PEX26: variants seen among roughly 807,000 people sequenced by gnomAD.
PEX26 encodes peroxisomal biogenesis factor 26, also known as peroxisome assembly protein 26.
Under a neutral mutation model 31.4 loss-of-function variants are expected in PEX26, and 18 were observed. That is an observed-to-expected ratio of 0.57 (90% CI 0.40 to 0.85). The LOEUF is 0.85. Ranked by LOEUF, PEX26 falls within the 40% of genes least tolerant of loss-of-function variation. The pLI, the probability that PEX26 is intolerant of heterozygous loss-of-function variation, is 0.00. For synonymous variants in PEX26, 176 were observed against 166.9 expected, an observed-to-expected ratio of 1.05 and a Z score of -0.42; for missense variants, 377 against 383.9, an observed-to-expected ratio of 0.98 and a Z score of 0.15.
In PEX26 at chr22:18,078,328, G is replaced by C; in HGVS notation, c.-49G>C. The C allele has an allele frequency of 1.5e-6, 2 of 1,360,812 alleles. No homozygotes were observed. The highest frequency in any genetic ancestry group is 1.2e-5 in the South Asian group (1 of 82,606). 84.3% of individuals were successfully genotyped at this position (1,360,812 alleles called of 1,614,324 possible). On this transcript the variant is annotated 5_prime_UTR_variant, in exon 1 of 5. Transcript: ENST00000399744. ...CGGGATATCCCGGAGCCTCTGGGGA[G>C]GCGGTCACTCCGACGTCTGAGGACC...
At position 18,078,300 on chromosome 22, in the gene PEX26, A is replaced by T; in HGVS notation, c.-77A>T. 1 of 1,068,140 alleles carries T rather than the reference A, an allele frequency of 9.4e-7. No individual in the cohort carries two copies. Among genetic ancestry groups the T allele is most frequent in the East Asian group, 2.5e-5 (1 of 39,554 alleles). The allele number at this position is 1,068,140 out of a possible 1,614,324, so 66.2% of individuals were successfully genotyped here. A position where few individuals can be genotyped will look rare whatever the true frequency, so the allele number is the denominator to read the frequency against. The stretch of plus-strand genomic sequence containing the variant: ...GGACTCTCCCTCTTCGCCCAGGCCA[A>T]CTCGGGATATCCCGGAGCCTCTGGG... On this transcript the variant is annotated 5_prime_UTR_variant, in exon 1 of 5. Coordinates refer to ENST00000399744, the MANE Select transcript of PEX26 (RefSeq NM_001127649.3).
rs1338282041 is a variant in PEX26, at chr22:18,088,030, G to A, written c.873G>A (p.Arg291=). The change falls in exon 5 of 5, where the codon CGG becomes CGA. Residue 291 remains arginine, a synonymous_variant. Transcript: ENST00000399744. This position sits in a 1 kb window ranked among gnomAD's most constrained non-coding sequence, Gnocchi z 4.1. ...YKLAQLFRWI[R]KAAFSRLYQL... ...TGGCCCAGCTCTTCCGCTGGATCCG[G>A]AAGGCTGCATTTTCTCGCCTCTACC... The A allele has an allele frequency of 2.5e-6, 4 of 1,613,666 alleles. No homozygotes were observed. In the Admixed American group the frequency reaches 5.0e-5, roughly 20 times the overall value.
chr22:18,083,947 G>A (rs1311018979), intron 3 of PEX26, among the ~76,000 whole-genome samples: 1 of 152,232 alleles, frequency 6.6e-6, no homozygotes, highest in Non-Finnish European at 1.5e-5. Context: ...ATGGGAAGGT[G>A]TTGCTGGGTC....
chr22:18,080,316 A>T (rs899258516), intron 2 of PEX26, among the ~76,000 whole-genome samples: 7 of 152,044 alleles, frequency 4.6e-5, no homozygotes, highest in East Asian at 1.9e-4. Flanking sequence ...TTAAAAAAAA[A>T]TTTTGTTTTG....
chr22:18,101,816 T>C lies in PEX26; in HGVS notation c.*13741T>C. 5.8e-6 allele frequency: 1 copy of C among 172,742 alleles called. No homozygotes were observed. Among genetic ancestry groups the C allele is most frequent in the Non-Finnish European group, 1.2e-5 (1 of 80,314 alleles). 10.7% of individuals were successfully genotyped at this position (172,742 alleles called of 1,614,324 possible). On this transcript the variant is annotated 3_prime_UTR_variant, in exon 5 of 5. Transcript: ENST00000399744. ...GGTCATTAACCTGAGGTCTGGGGCC[T>C]TTAAAGCTATTGAGGAGCCAGTGAA...
chr22:18,084,767 A>C lies in PEX26; in HGVS notation c.668-345A>C, dbSNP rs191756379. Among the ~76,000 whole-genome samples the C allele has an allele frequency of 9.0e-3, 1,362 of 151,486 alleles. 14 individuals are homozygous for C. Among genetic ancestry groups the C allele is most frequent in the Middle Eastern group, 0.014 (4 of 290 alleles). ...GACGGAGTTTTGCTCTTGTTGCCCAAGCTGGAGTGCAATGGCACGATCTTG... is the reference window on the plus strand; with the variant it reads ...GACGGAGTTTTGCTCTTGTTGCCCACGCTGGAGTGCAATGGCACGATCTTG... On this transcript the variant is annotated intron_variant, in intron 3 of 4. Coordinates refer to ENST00000399744, the MANE Select transcript of PEX26 (RefSeq NM_001127649.3).
At position 18,078,202 on chromosome 22, in the gene PEX26, T is replaced by C. The variant is rs1351415601; in HGVS notation, c.-175T>C. ...CCCAGCCTCCAGGCGAGCCCAGCTT[T>C]TGCCTCAGATAGGCCCCTTCCTTTT... On this transcript the variant is annotated 5_prime_UTR_variant, in exon 1 of 5. Coordinates refer to ENST00000399744, the MANE Select transcript of PEX26 (RefSeq NM_001127649.3). 2.8e-6 allele frequency: 2 copies of C among 704,234 alleles called. No individual in the cohort carries two copies. Among genetic ancestry groups the C allele is most frequent in the Non-Finnish European group, 5.2e-6 (2 of 387,442 alleles). 43.6% of individuals were successfully genotyped at this position (704,234 alleles called of 1,614,324 possible).
rs1347516361 is a variant in PEX26, at chr22:18,092,189, TTC to T, written c.*4116_*4117del. ...CATCCACAGATGGGGCCTGTGGGAA[TTC>T]TACTGATTTACTCTCTGGCCTAGTC... On this transcript the variant is annotated 3_prime_UTR_variant, in exon 5 of 5. Transcript: ENST00000399744. 1 of 152,254 alleles carries T rather than the reference TTC, an allele frequency of 6.6e-6. No homozygotes were observed. The highest frequency in any genetic ancestry group is 1.5e-5 in the Non-Finnish European group (1 of 68,060). The allele number at this position is 152,254 out of a possible 1,614,324, so 9.4% of individuals were successfully genotyped here.
At chr22:18,083,886 CA>C (rs1182941645) in intron 3 of PEX26, among the ~76,000 whole-genome samples, 154 bp downstream of exon 3, 2 of 152,232 alleles carry the variant, frequency 1.3e-5, no homozygotes, top group African/African-American at 4.8e-5. Context: ...ATTTGCTTCA[CA>C]AAGTGAAGGC....
chr22:18,087,861 A>C (rs1380939584), intron 4 of PEX26, 111 bp from the exon 5 acceptor site: 2 of 805,166 alleles, frequency 2.5e-6, no homozygotes, highest in Non-Finnish European at 4.4e-6. Context: ...TAAAAAAAAC[A>C]AAACAAAACC....
At position 18,087,730 on chromosome 22, in the gene PEX26, G is replaced by C. The variant is rs897956663; in HGVS notation, c.815-242G>C. Among the ~76,000 whole-genome samples the C allele has an allele frequency of 9.9e-5, 15 of 152,232 alleles. No homozygotes were observed. In the South Asian group the frequency reaches 1.0e-3, roughly 10 times the overall value. The stretch of plus-strand genomic sequence containing the variant: ...CCGACTCATTGGAGTGATGATGGTG[G>C]GGGAGGAGAACCTGCACCTGCAGGC... On this transcript the variant is annotated intron_variant, in intron 4 of 4. Coordinates refer to ENST00000399744, the MANE Select transcript of PEX26 (RefSeq NM_001127649.3).
rs1391597672 is a variant in PEX26 at position 18,097,345 on chromosome 22, G to C, written c.*9270G>C. ...GGGGTGTGATCTCGGCTCACTGCAA[G>C]CTCCGCCTTCCGGGTTCACGCCATT... On this transcript the variant is annotated 3_prime_UTR_variant, in exon 5 of 5. Transcript: ENST00000399744. 2 of 149,780 alleles carry C rather than the reference G, an allele frequency of 1.3e-5. No individual in the cohort carries two copies. Among genetic ancestry groups the C allele is most frequent in the African/African-American group, 5.0e-5 (2 of 40,374 alleles). 9.3% of individuals were successfully genotyped at this position (149,780 alleles called of 1,614,324 possible). A position where few individuals can be genotyped will look rare whatever the true frequency, so the allele number is the denominator to read the frequency against.
At position 18,101,685 on chromosome 22, in the gene PEX26, C is replaced by A; in HGVS notation, c.*13610C>A. ...CAATGACTTGTGTCAAAACCCGATC[C>A]AGAGCAGCAGTGATGAAATCACCCT... is the stretch of plus-strand genomic sequence containing the variant. On this transcript the variant is annotated 3_prime_UTR_variant, in exon 5 of 5. Transcript: ENST00000399744. 3.8e-6 allele frequency: 1 copy of A among 265,526 alleles called. No individual in the cohort carries two copies. Among genetic ancestry groups the A allele is most frequent in the Non-Finnish European group, 7.1e-6 (1 of 140,772 alleles). The allele number at this position is 265,526 out of a possible 1,614,324, so 16.4% of individuals were successfully genotyped here.
At chr22:18,085,705 C>A (rs551908752) in intron 4 of PEX26, among the ~76,000 whole-genome samples, 1 of 151,996 alleles carries the variant, frequency 6.6e-6, no homozygotes, top group African/African-American at 2.4e-5. Flanking sequence ...CCCATCTCTA[C>A]TAAAGATACA....
rs1016355983 is a variant in PEX26, at chr22:18,105,295, C to T, written c.*17220C>T. Reference sequence around the variant, plus strand: ...GAGCCAGACTCTCTGAAGCATAGCCCAGCTCTAGCTCTTACCAGTTATGTG... The same window carrying T: ...GAGCCAGACTCTCTGAAGCATAGCCTAGCTCTAGCTCTTACCAGTTATGTG... On this transcript the variant is annotated 3_prime_UTR_variant, in exon 5 of 5. Coordinates refer to ENST00000399744, the MANE Select transcript of PEX26 (RefSeq NM_001127649.3). 2 of 152,204 alleles carry T rather than the reference C, an allele frequency of 1.3e-5. No homozygotes were observed. Among genetic ancestry groups the T allele is most frequent in the Non-Finnish European group, 2.9e-5 (2 of 68,046 alleles). 9.4% of individuals were successfully genotyped at this position (152,204 alleles called of 1,614,324 possible). A position where few individuals can be genotyped will look rare whatever the true frequency, so the allele number is the denominator to read the frequency against.
intron 4 of PEX26, among the ~76,000 whole-genome samples, chr22:18,085,828 C>T (rs1474434039): frequency 1.3e-5 from 2 of 152,014 alleles, no homozygotes; most frequent in Non-Finnish European, 2.9e-5. Flanking sequence ...GCCAAGATCG[C>T]ACTGCTGCAC....
rs1445028006 is a variant in PEX26, at chr22:18,105,019, G to GT, written c.*16945dup. 2.0e-5 allele frequency: 3 copies of GT among 152,190 alleles called. No homozygotes were observed. Among genetic ancestry groups the GT allele is most frequent in the African/African-American group, 7.2e-5 (3 of 41,452 alleles). The allele number at this position is 152,190 out of a possible 1,614,324, so 9.4% of individuals were successfully genotyped here. A position where few individuals can be genotyped will look rare whatever the true frequency, so the allele number is the denominator to read the frequency against. On this transcript the variant is annotated 3_prime_UTR_variant, in exon 5 of 5. Transcript: ENST00000399744. Reference sequence around the variant, plus strand: ...GTACCTGAATCTAGATAATCTAATGGTAAGATATCGTTTGCTCTCTGGACT... The same window carrying GT: ...GTACCTGAATCTAGATAATCTAATGGTTAAGATATCGTTTGCTCTCTGGACT...
Position 18,083,572 on chromosome 22 carries a change from G to C in PEX26, c.507G>C (p.Leu169=). 6.2e-7 allele frequency: 1 copy of C among 1,614,092 alleles called. No homozygotes were observed. Residue 169 remains leucine (L), a synonymous_variant, in exon 3 of 5, where the codon CTG becomes CTC. Coordinates refer to ENST00000399744, the MANE Select transcript of PEX26 (RefSeq NM_001127649.3). Reference sequence around the variant, plus strand: ...AATTTCACGTGCAGCGGGTGCTGCTGCCTCTGGGCTGCTTATCGGAGGCTG... The same window carrying C: ...AATTTCACGTGCAGCGGGTGCTGCTCCCTCTGGGCTGCTTATCGGAGGCTG... ...LAEFHVQRVL[L]PLGCLSEAEE... is the part of the protein sequence containing the mutation.
rs998546145 is a variant in PEX26, at chr22:18,083,526, C to T, written c.461C>T (p.Pro154Leu). ...CAAGACCCAGCCAATCAAAACCTTC[C>T]AGAATATGGAGCCTTGGCAGAATTT... Reference protein sequence around the residue: ...WLQDPANQNLPEYGALAEFHV... With the variant: ...WLQDPANQNLLEYGALAEFHV... The change falls in exon 3 of 5, where the codon CCA becomes CTA. Residue 154 changes from proline to leucine, a missense_variant. By Grantham distance (98) the Pro-to-Leu change is moderately conservative. Coordinates refer to ENST00000399744, the MANE Select transcript of PEX26 (RefSeq NM_001127649.3). 2.5e-6 allele frequency: 4 copies of T among 1,613,978 alleles called. No homozygotes were observed. In the African/African-American group the frequency reaches 5.3e-5, roughly 22 times the overall value.
Sources: gnomAD v4.1 joint callset for allele counts (sites outside exome capture counted in the v4.1 genomes callset) on GRCh38, gnomAD v4.1.1 for gene constraint, Gnocchi (gnomAD v3.1) non-coding constraint, MANE v1.5 for transcripts, NCBI Gene and HGNC (gene_info 2026-07-23, HGNC 2026-07-21) for gene names.